DPF2: variants seen among roughly 807,000 people sequenced by gnomAD.
DPF2 encodes the protein double PHD fingers 2.
In DPF2, 10 loss-of-function variants were observed where a neutral mutation model predicts 59.6. The observed-to-expected ratio is 0.17, with a 90% confidence interval of 0.10 to 0.28. DPF2 has a LOEUF of 0.28. Among genes scored for constraint, DPF2 ranks in the 10% least tolerant of loss-of-function variants. The pLI, the probability that DPF2 is intolerant of heterozygous loss-of-function variation, is 1.00. For missense variants in DPF2, 315 were observed against 509.4 expected, an observed-to-expected ratio of 0.62 and a Z score of 3.67; for synonymous variants, 189 against 190.6, an observed-to-expected ratio of 0.99 and a Z score of 0.07.
At chr11:65,337,474 A>AATATATAT (rs1196397460) in intron 1 of DPF2, among the ~76,000 whole-genome samples, 5 of 46,478 alleles carry the variant, frequency 1.1e-4, no homozygotes, top group Non-Finnish European at 1.4e-4. Context: ...AAAAAAAAAA[A>AATATATAT]ATATATATAT....
chr11:65,334,453 C>G (rs1296394981), intron 1 of DPF2, among the ~76,000 whole-genome samples: 2 of 152,226 alleles, frequency 1.3e-5, no homozygotes, highest in African/African-American at 2.4e-5. Flanking sequence ...TACAAATATT[C>G]TTGGGAAGAA....
intron 6 of DPF2, chr11:65,344,468 G>A (rs1204024077): frequency 2.0e-6 from 2 of 1,023,572 alleles, no homozygotes; most frequent in East Asian, 2.6e-5. Flanking sequence ...CACCCTGGGA[G>A]CACCATCGCC....
chr11:65,340,679 A>AGCC, intron 2 of DPF2, 134 bp downstream of exon 2: 1 of 1,290,496 alleles, frequency 7.7e-7, no homozygotes. Flanking sequence ...TCTTCCTGTG[A>AGCC]TTAGAAACCC....
intron 1 of DPF2, among the ~76,000 whole-genome samples, chr11:65,339,810 A>T (rs1016071459): frequency 6.6e-6 from 1 of 152,192 alleles, no homozygotes; most frequent in African/African-American, 2.4e-5. Context: ...GAAATTGTTT[A>T]ATATCAGTAT....
intron 2 of DPF2, 108 bp downstream of exon 2, chr11:65,340,653 C>T: frequency 2.8e-6 from 4 of 1,441,578 alleles, no homozygotes; most frequent in Non-Finnish European, 3.7e-6. Flanking sequence ...TGCCTTCCAC[C>T]TATGGATGAA....
intron 1 of DPF2, among the ~76,000 whole-genome samples, chr11:65,337,878 C>T (rs983749358): frequency 3.9e-5 from 6 of 151,992 alleles, no homozygotes; most frequent in African/African-American, 1.2e-4. Context: ...AATCTCGGCT[C>T]ACCGCAACCT....
intron 4 of DPF2, 56 bp downstream of exon 4, chr11:65,341,618 A>C: frequency 6.2e-7 from 1 of 1,602,036 alleles, no homozygotes; most frequent in Non-Finnish European, 8.5e-7. Context: ...CCTCCTCTTC[A>C]CTGGGGGCCA....
At chr11:65,337,533 A>AGAGAGAGAGG (rs1854228653) in intron 1 of DPF2, among the ~76,000 whole-genome samples, 1 of 138,620 alleles carries the variant, frequency 7.2e-6, no homozygotes, top group African/African-American at 2.6e-5. Context: ...AGAGAGAGAG[A>AGAGAGAGAGG]GAGAGAGAGA....
In DPF2 at chr11:65,352,729, C is replaced by T. The variant is rs1347933372; in HGVS notation, c.*970C>T. The T allele has an allele frequency of 6.6e-6, 1 of 152,626 alleles. No individual in the cohort carries two copies. Among genetic ancestry groups the T allele is most frequent in the African/African-American group, 2.4e-5 (1 of 41,444 alleles). The allele number at this position is 152,626 out of a possible 1,614,324, so 9.5% of individuals were successfully genotyped here. ...GCTCATGGGGAAGCCACATAGACAT[C>T]CCTTTCTTCCCTTGCACGCTCGCTA... is the stretch of plus-strand genomic sequence containing the variant. On this transcript the variant is annotated 3_prime_UTR_variant, in exon 11 of 11. Transcript: ENST00000528416.
chr11:65,343,193 G>A (rs1854429139), intron 4 of DPF2, among the ~76,000 whole-genome samples: 1 of 151,646 alleles, frequency 6.6e-6, no homozygotes, highest in Non-Finnish European at 1.5e-5. Context: ...CACCTACTTG[G>A]GAGGCTGAGG....
rs1854783698 is a variant in DPF2 at position 65,353,493 on chromosome 11, G to A, written c.*1734G>A. Among the ~76,000 whole-genome samples the A allele has an allele frequency of 6.6e-6, 1 of 152,244 alleles. No homozygotes were observed. Among genetic ancestry groups the A allele is most frequent in the Admixed American group, 6.5e-5 (1 of 15,292 alleles). On this transcript the variant is annotated 3_prime_UTR_variant, in exon 11 of 11. Coordinates refer to ENST00000528416, the MANE Select transcript of DPF2 (RefSeq NM_006268.5). ...AGTTGCCTGCAGCGCTCCCAGGCCA[G>A]AGCAAGTGCTCTAGGATCTGAACTG... is the stretch of plus-strand genomic sequence containing the variant.
intron 10 of DPF2, among the ~76,000 whole-genome samples, chr11:65,351,277 A>G (rs531970869): frequency 3.3e-5 from 5 of 152,350 alleles, no homozygotes; most frequent in African/African-American, 1.2e-4. Flanking sequence ...TTAATAAACA[A>G]GGAATGACCC....
At position 65,351,831 on chromosome 11, in the gene DPF2, T is replaced by G. The variant is rs1854706132; in HGVS notation, c.*72T>G. 1 of 1,510,050 alleles carries G rather than the reference T, an allele frequency of 6.6e-7. No individual in the cohort carries two copies. 93.5% of individuals were successfully genotyped at this position (1,510,050 alleles called of 1,614,324 possible). The stretch of plus-strand genomic sequence containing the variant: ...CTCCACTTCATATTTCATACCCATC[T>G]TTCCCTTCTTCCTCCTCTCCTTCAC... On this transcript the variant is annotated 3_prime_UTR_variant, in exon 11 of 11. Coordinates refer to ENST00000528416, the MANE Select transcript of DPF2 (RefSeq NM_006268.5).
chr11:65,345,387 G>A, intron 6 of DPF2: 1 of 454,340 alleles, frequency 2.2e-6, no homozygotes, highest in Admixed American at 3.4e-5. Flanking sequence ...CTGGTGATGG[G>A]GCAAGGGCTA....
chr11:65,344,780 A>G (rs2137701218), intron 6 of DPF2: 1 of 771,524 alleles, frequency 1.3e-6, no homozygotes, highest in Admixed American at 2.7e-5. Flanking sequence ...CTACTCCTCA[A>G]AGTCCTGAAG....
Position 65,352,137 on chromosome 11 carries a change from CCA to C in DPF2, c.*379_*380del, listed in dbSNP as rs1240611980. The C allele has an allele frequency of 2.6e-5, 6 of 229,638 alleles. No homozygotes were observed. The highest frequency in any genetic ancestry group is 2.6e-4 in the Admixed American group (5 of 19,428). The allele number at this position is 229,638 out of a possible 1,614,324, so 14.2% of individuals were successfully genotyped here. A position where few individuals can be genotyped will look rare whatever the true frequency, so the allele number is the denominator to read the frequency against. Reference sequence around the variant, plus strand: ...CTGTGTTCTGCCTCCCCTCTGGTCTCCAGAGTTTTCCTGTCCTCTAGAGGCAA... The same window carrying C: ...CTGTGTTCTGCCTCCCCTCTGGTCTCGAGTTTTCCTGTCCTCTAGAGGCAA... On this transcript the variant is annotated 3_prime_UTR_variant, in exon 11 of 11. Coordinates refer to ENST00000528416, the MANE Select transcript of DPF2 (RefSeq NM_006268.5).
At position 65,353,170 on chromosome 11, in the gene DPF2, A is replaced by G. The variant is rs1022103809; in HGVS notation, c.*1411A>G. The stretch of plus-strand genomic sequence containing the variant: ...AATTGGTTATTTTGTTTTGTTACAT[A>G]AATTCAAGTTTATAACAATTCTTTG... On this transcript the variant is annotated 3_prime_UTR_variant, in exon 11 of 11. Coordinates refer to ENST00000528416, the MANE Select transcript of DPF2 (RefSeq NM_006268.5). 4.6e-5 allele frequency: 7 copies of G among 152,164 alleles called. No homozygotes were observed. Among genetic ancestry groups the G allele is most frequent in the African/African-American group, 1.7e-4 (7 of 41,434 alleles). The allele number at this position is 152,164 out of a possible 1,614,324, so 9.4% of individuals were successfully genotyped here.
intron 1 of DPF2, among the ~76,000 whole-genome samples, 185 bp downstream of exon 1, chr11:65,334,103 A>G (rs1950064365): frequency 6.6e-6 from 1 of 152,170 alleles, no homozygotes; most frequent in Non-Finnish European, 1.5e-5. Flanking sequence ...AAACTTGTGG[A>G]GGCCCTGGTG....
rs1854381414 is a variant in DPF2 at position 65,341,767 on chromosome 11, C to T, written c.465+205C>T. Reference sequence around the variant, plus strand: ...CTAACTATAGACTCTCATTCATTCACTTTTATCACAGAAGGTTATTATTAT... The same window carrying T: ...CTAACTATAGACTCTCATTCATTCATTTTTATCACAGAAGGTTATTATTAT... On this transcript the variant is annotated intron_variant, in intron 4 of 10. Coordinates refer to ENST00000528416, the MANE Select transcript of DPF2 (RefSeq NM_006268.5). The T allele has an allele frequency of 3.0e-5, 18 of 591,936 alleles. No individual in the cohort carries two copies. The South Asian group carries it at 4.8e-4, about 16-fold the overall frequency. The allele number at this position is 591,936 out of a possible 1,614,324, so 36.7% of individuals were successfully genotyped here.
Sources: gnomAD v4.1 joint callset for allele counts (sites outside exome capture counted in the v4.1 genomes callset) on GRCh38, gnomAD v4.1.1 for gene constraint, MANE v1.5 for transcripts, NCBI Gene and HGNC (gene_info 2026-07-23, HGNC 2026-07-21) for gene names.